FAM135B: variants seen among roughly 807,000 people sequenced by gnomAD.
FAM135B encodes the protein family with sequence similarity 135 member B.
In FAM135B, 43 loss-of-function variants were observed where a neutral mutation model predicts 127.7. The ratio of observed to expected loss-of-function variants is 0.34; its 90% CI spans 0.26 to 0.43. FAM135B has a LOEUF of 0.43. Ranked by LOEUF, FAM135B falls within the 20% of genes least tolerant of loss-of-function variation. The pLI is 1.00. For synonymous variants in FAM135B, 670 were observed against 665.1 expected (o/e 1.01, Z -0.11); for missense variants, 1,558 against 1,725.6 (o/e 0.90, Z 1.72).
chr8:138,214,559 C>A (rs1391948811), intron 7 of FAM135B, among the ~76,000 whole-genome samples: 1 of 152,076 alleles, frequency 6.6e-6, no homozygotes, highest in Non-Finnish European at 1.5e-5. Context: ...GCTATTGCAG[C>A]ACAAATAAAG....
At chr8:138,478,866 A>T (rs1454781949) in intron 1 of FAM135B, among the ~76,000 whole-genome samples, 1 of 152,198 alleles carries the variant, frequency 6.6e-6, no homozygotes, top group Non-Finnish European at 1.5e-5. Context: ...ACACTGAGCA[A>T]TTCTGACACT....
chr8:138,443,284 C>G (rs1835917177), intron 1 of FAM135B, among the ~76,000 whole-genome samples: 1 of 152,106 alleles, frequency 6.6e-6, no homozygotes, highest in South Asian at 2.1e-4. Flanking sequence ...CTGGTCTATC[C>G]ATTCAAATAT....
chr8:138,411,047 G>T (rs1833835872), intron 1 of FAM135B, among the ~76,000 whole-genome samples: 1 of 125,196 alleles, frequency 8.0e-6, no homozygotes, highest in South Asian at 2.4e-4. Flanking sequence ...TCTATATCAT[G>T]AAAATGGCCA....
chr8:138,251,079 G>A (rs2130491950), intron 5 of FAM135B, 65 bp from the exon 6 acceptor site: 2 of 1,585,342 alleles, frequency 1.3e-6, no homozygotes, highest in Non-Finnish European at 1.7e-6. Flanking sequence ...CTCCTAGCAT[G>A]TCTGTATTAA....
chr8:138,314,275 G>A (rs1826909274), intron 2 of FAM135B, among the ~76,000 whole-genome samples: 1 of 152,144 alleles, frequency 6.6e-6, no homozygotes, highest in Non-Finnish European at 1.5e-5. Context: ...GAGGCTCACA[G>A]GAACCTAACC....
chr8:138,353,236 C>G (rs1308926694), intron 2 of FAM135B, among the ~76,000 whole-genome samples: 2 of 152,126 alleles, frequency 1.3e-5, no homozygotes, highest in Non-Finnish European at 2.9e-5. Flanking sequence ...GTCAGCTCCC[C>G]CAAGCACATG....
At chr8:138,150,726 T>C (rs1320529346) in intron 13 of FAM135B, among the ~76,000 whole-genome samples, 1 of 152,116 alleles carries the variant, frequency 6.6e-6, no homozygotes, top group African/African-American at 2.4e-5. Context: ...TAAAGGTTCA[T>C]TTGTAAAGAA....
chr8:138,460,964 C>T (rs1837088223), intron 1 of FAM135B, among the ~76,000 whole-genome samples: 1 of 152,176 alleles, frequency 6.6e-6, no homozygotes. Flanking sequence ...CATCATACAG[C>T]CAAAGCTCCT....
At chr8:138,328,190 G>C (rs778540339) in intron 2 of FAM135B, among the ~76,000 whole-genome samples, 3 of 152,078 alleles carry the variant, frequency 2.0e-5, no homozygotes, top group Non-Finnish European at 4.4e-5. Flanking sequence ...GAAATTTTGT[G>C]CATGTTGCAT....
At chr8:138,150,189 A>G (rs1818007315) in intron 13 of FAM135B, among the ~76,000 whole-genome samples, 1 of 152,214 alleles carries the variant, frequency 6.6e-6, no homozygotes, top group African/African-American at 2.4e-5. Flanking sequence ...CAATACAAGG[A>G]TGAGGAAATG....
At chr8:138,183,302 G>A (rs1219244670) in intron 9 of FAM135B, among the ~76,000 whole-genome samples, 3 of 152,138 alleles carry the variant, frequency 2.0e-5, no homozygotes, top group Non-Finnish European at 4.4e-5. Context: ...GCACTTGAAG[G>A]TGGAGCAACA....
At chr8:138,145,655 C>T (rs927487587) in intron 15 of FAM135B, among the ~76,000 whole-genome samples, 2 of 152,156 alleles carry the variant, frequency 1.3e-5, no homozygotes, top group African/African-American at 2.4e-5. Flanking sequence ...CAGAACTGAG[C>T]GCCAACAGTT....
chr8:138,294,722 C>A (rs975512229), intron 3 of FAM135B, among the ~76,000 whole-genome samples: 1 of 152,070 alleles, frequency 6.6e-6, no homozygotes, highest in African/African-American at 2.4e-5. Flanking sequence ...AAATTCCTGA[C>A]CATTCAAACT....
intron 7 of FAM135B, among the ~76,000 whole-genome samples, chr8:138,238,151 A>G (rs1820445108): frequency 6.6e-6 from 1 of 152,166 alleles, no homozygotes; most frequent in Non-Finnish European, 1.5e-5. Context: ...TCTTCACTCA[A>G]TGTCTCACCA....
intron 6 of FAM135B, 23 bp downstream of exon 6, chr8:138,250,818 A>C (rs758247973): frequency 6.2e-7 from 1 of 1,611,776 alleles, no homozygotes; most frequent in Admixed American, 1.7e-5. Flanking sequence ...CCCACATATC[A>C]GGGCTGCCTC....
At chr8:138,381,311 T>G (rs1257429220) in intron 1 of FAM135B, among the ~76,000 whole-genome samples, 1 of 152,138 alleles carries the variant, frequency 6.6e-6, no homozygotes, top group Non-Finnish European at 1.5e-5. Flanking sequence ...TTCAAGCTAT[T>G]ATCTCCACTG....
chr8:138,402,447 A>G (rs1255721747), intron 1 of FAM135B, among the ~76,000 whole-genome samples: 2 of 152,052 alleles, frequency 1.3e-5, no homozygotes, highest in African/African-American at 4.8e-5. Flanking sequence ...ACTGTAGCTC[A>G]CCTCAGGCAA....
upstream of FAM135B, among the ~76,000 whole-genome samples, chr8:138,497,272 G>A (rs1267729037): frequency 1.3e-5 from 2 of 150,308 alleles, no homozygotes; most frequent in African/African-American, 2.4e-5. Context: ...GGCTGGCGGC[G>A]CGGCTCACGC....
At chr8:138,278,848 T>C (rs1307776763) in intron 3 of FAM135B, among the ~76,000 whole-genome samples, 2 of 152,112 alleles carry the variant, frequency 1.3e-5, no homozygotes, top group Non-Finnish European at 2.9e-5. Context: ...ATCACAGGGT[T>C]GTTGTGAGTA....
Sources: gnomAD v4.1 joint callset for allele counts (sites outside exome capture counted in the v4.1 genomes callset) on GRCh38, gnomAD v4.1.1 for gene constraint, MANE v1.5 for transcripts, NCBI Gene and HGNC (gene_info 2026-07-23, HGNC 2026-07-21) for gene names.